The following ADAMTS12 variants were observed in gnomAD, a reference collection of about 807,000 sequenced individuals.
ADAMTS12 encodes the protein ADAM metallopeptidase with thrombospondin type 1 motif 12, also known as A disintegrin and metalloproteinase with thrombospondin motifs 12.
A neutral mutation model predicts 167.8 loss-of-function variants in ADAMTS12; 118 were observed. That is an observed-to-expected ratio of 0.70 (90% CI 0.61 to 0.82). ADAMTS12 has a LOEUF of 0.82. Ranked by LOEUF, ADAMTS12 falls within the 40% of genes least tolerant of loss-of-function variation. The pLI is 0.00. For missense variants in ADAMTS12, 1,916 were observed against 1,998.8 expected, an observed-to-expected ratio of 0.96 and a Z score of 0.79; for synonymous variants, 704 against 716.9, an observed-to-expected ratio of 0.98 and a Z score of 0.29.
At chr5:33,789,185 A>G (rs1400743482) in intron 2 of ADAMTS12, among the ~76,000 whole-genome samples, 3 of 152,212 alleles carry the variant, frequency 2.0e-5, no homozygotes, top group Non-Finnish European at 2.9e-5. Context: ...GGTCTCTCAC[A>G]CACACTCAGC....
At chr5:33,873,285 T>C (rs772047704) in intron 2 of ADAMTS12, among the ~76,000 whole-genome samples, 1 of 151,936 alleles carries the variant, frequency 6.6e-6, no homozygotes, top group Admixed American at 6.6e-5. Flanking sequence ...GAACAAGAAG[T>C]ATTTAAAATT....
chr5:33,546,020 A>G (rs1364374698), intron 22 of ADAMTS12, 39 bp downstream of exon 22: 1 of 1,575,388 alleles, frequency 6.3e-7, no homozygotes, highest in East Asian at 2.2e-5. Flanking sequence ...AAAAAAAAAA[A>G]AAGCTAAAGT....
chr5:33,837,808 T>C (rs965928718), intron 2 of ADAMTS12, among the ~76,000 whole-genome samples: 1 of 152,222 alleles, frequency 6.6e-6, no homozygotes, highest in African/African-American at 2.4e-5. Flanking sequence ...ACACTGGGGA[T>C]AATTAGTTTT....
chr5:33,587,174 T>A (rs1747401620), intron 18 of ADAMTS12, among the ~76,000 whole-genome samples: 1 of 152,222 alleles, frequency 6.6e-6, no homozygotes, highest in African/African-American at 2.4e-5. Flanking sequence ...AAAGCTGCTG[T>A]ATTTAAATGA....
chr5:33,815,603 A>C (rs1396044396), intron 2 of ADAMTS12, among the ~76,000 whole-genome samples: 1 of 152,226 alleles, frequency 6.6e-6, no homozygotes. Context: ...CAGCTAAAAA[A>C]AGAAGATTTT....
At chr5:33,559,376 ACCAGTGCCTTATAGC>A (rs1745631712) in intron 20 of ADAMTS12, among the ~76,000 whole-genome samples, 1 of 152,132 alleles carries the variant, frequency 6.6e-6, no homozygotes, top group Admixed American at 6.5e-5. Flanking sequence ...CTCACCACTG[ACCAGTGCCTTATAGC>A]CCTGAATTAT....
intron 3 of ADAMTS12, among the ~76,000 whole-genome samples, chr5:33,701,169 G>A (rs1428469149): frequency 6.6e-6 from 1 of 152,148 alleles, no homozygotes; most frequent in Non-Finnish European, 1.5e-5. Context: ...ACAAGATAAA[G>A]TTAATCAAAT....
At chr5:33,558,122 A>G (rs1447907313) in intron 20 of ADAMTS12, among the ~76,000 whole-genome samples, 5 of 152,188 alleles carry the variant, frequency 3.3e-5, no homozygotes, top group Non-Finnish European at 5.9e-5. Flanking sequence ...TGCACAATAA[A>G]TGTAATGTGC....
chr5:33,569,651 CAG>C (rs1247855639), intron 19 of ADAMTS12, among the ~76,000 whole-genome samples: 2 of 152,178 alleles, frequency 1.3e-5, no homozygotes, highest in Non-Finnish European at 2.9e-5. Flanking sequence ...GGGGAAAAAA[CAG>C]AGCAGAAAAA....
chr5:33,557,259 A>C (rs1295803549), intron 20 of ADAMTS12, among the ~76,000 whole-genome samples: 2 of 152,214 alleles, frequency 1.3e-5, no homozygotes, highest in African/African-American at 4.8e-5. Context: ...ATAATGTAGA[A>C]AATTCCAGGT....
At chr5:33,809,773 G>A (rs1747379979) in intron 2 of ADAMTS12, among the ~76,000 whole-genome samples, 1 of 151,984 alleles carries the variant, frequency 6.6e-6, no homozygotes, top group Non-Finnish European at 1.5e-5. Flanking sequence ...AAATATGATA[G>A]TCAGGGTCAG....
At chr5:33,782,575 T>C (rs986539455) in intron 2 of ADAMTS12, among the ~76,000 whole-genome samples, 5 of 152,016 alleles carry the variant, frequency 3.3e-5, no homozygotes, top group Admixed American at 3.3e-4. Flanking sequence ...CATGGAATAG[T>C]TGAAAGTGAA....
intron 2 of ADAMTS12, among the ~76,000 whole-genome samples, chr5:33,797,982 A>G (rs571788130): frequency 6.6e-6 from 1 of 152,350 alleles, no homozygotes; most frequent in South Asian, 2.1e-4. Context: ...TATTTCATCC[A>G]TCCTACTGCC....
At chr5:33,682,943 C>G (rs1185574264) in intron 5 of ADAMTS12, 75 bp downstream of exon 5, 3 of 1,255,762 alleles carry the variant, frequency 2.4e-6, no homozygotes, top group Non-Finnish European at 3.4e-6. Context: ...TCTTGTCTAC[C>G]AAGAACTCCC....
In ADAMTS12 at chr5:33,675,869, C is replaced by T. The variant is rs193279016; in HGVS notation, c.915+7149G>A. Reference sequence around the variant, plus strand: ...TTAGTTATGGATTAAATTGAGGCAGCCCTAAGCACACAAAAAATGCAACAG... The same window carrying T: ...TTAGTTATGGATTAAATTGAGGCAGTCCTAAGCACACAAAAAATGCAACAG... On this transcript the variant is annotated intron_variant, in intron 5 of 23. Coordinates refer to ENST00000504830, the MANE Select transcript of ADAMTS12 (RefSeq NM_030955.4). 8.5e-5 allele frequency among the ~76,000 whole-genome samples: 13 copies of T among 152,196 alleles called. No individual in the cohort carries two copies. The East Asian group carries it at 2.3e-3, about 27-fold the overall frequency.
intron 6 of ADAMTS12, among the ~76,000 whole-genome samples, chr5:33,658,709 T>C (rs1197453740): frequency 6.6e-6 from 1 of 152,190 alleles, no homozygotes. Context: ...GTTTTTCAAA[T>C]ATGAAAATCC....
chr5:33,669,811 AAAG>A (rs1741606787), intron 5 of ADAMTS12, among the ~76,000 whole-genome samples: 1 of 152,124 alleles, frequency 6.6e-6, no homozygotes, highest in Non-Finnish European at 1.5e-5. Flanking sequence ...AGAGAAAGAG[AAAG>A]AAGAATTTCA....
intron 6 of ADAMTS12, among the ~76,000 whole-genome samples, chr5:33,660,935 C>T (rs1014571326): frequency 6.6e-6 from 1 of 152,148 alleles, no homozygotes; most frequent in Admixed American, 6.5e-5. Flanking sequence ...AGGGTGGGGG[C>T]TGATTATCCT....
chr5:33,571,140 A>G (rs1197209650), intron 19 of ADAMTS12, among the ~76,000 whole-genome samples: 3 of 152,196 alleles, frequency 2.0e-5, no homozygotes, highest in Non-Finnish European at 4.4e-5. Flanking sequence ...CCCACACAAT[A>G]ATAATGGGAG....
Sources: gnomAD v4.1 joint callset for allele counts (sites outside exome capture counted in the v4.1 genomes callset) on GRCh38, gnomAD v4.1.1 for gene constraint, MANE v1.5 for transcripts, NCBI Gene and HGNC (gene_info 2026-07-23, HGNC 2026-07-21) for gene names.